Variants in STOX2 observed in about 807,000 individuals in gnomAD.
STOX2 encodes storkhead box 2.
Under a neutral mutation model 60.9 loss-of-function variants are expected in STOX2, and 28 were observed. The observed-to-expected ratio is 0.46, with a 90% CI of 0.34 to 0.63. The LOEUF (loss-of-function observed/expected upper bound fraction) is 0.63. Among genes scored for constraint, STOX2 ranks in the 30% least tolerant of loss-of-function variants. The pLI, the probability that STOX2 is intolerant of heterozygous loss-of-function variation, is 0.01. For synonymous variants in STOX2, 472 were observed against 463.9 expected (o/e 1.02, Z -0.22); for missense variants, 1,024 against 1,187.7 (o/e 0.86, Z 2.03).
At chr4:183,961,950 T>C (rs940625349) in intron 1 of STOX2, among the ~76,000 whole-genome samples, 16 of 152,222 alleles carry the variant, frequency 1.1e-4, no homozygotes, top group Non-Finnish European at 2.9e-5. Context: ...GCCTTTGAAG[T>C]GGGCTGGAGT....
intron 1 of STOX2, among the ~76,000 whole-genome samples, chr4:183,970,079 G>GA (rs1743694175): frequency 1.3e-5 from 2 of 150,226 alleles, no homozygotes; most frequent in African/African-American, 2.5e-5. Context: ...GCCCATGCAT[G>GA]AAAAAAACAC....
chr4:183,903,826 A>G (rs1213055098), upstream of STOX2, among the ~76,000 whole-genome samples: 1 of 152,186 alleles, frequency 6.6e-6, no homozygotes, highest in Non-Finnish European at 1.5e-5. Context: ...CGTGGAAGAC[A>G]GTTGTTCCTT....
At chr4:183,925,924 C>A (rs1407070134) in intron 1 of STOX2, among the ~76,000 whole-genome samples, 2 of 151,644 alleles carry the variant, frequency 1.3e-5, no homozygotes, top group Non-Finnish European at 2.9e-5. Flanking sequence ...GTGCCCTGAA[C>A]TTTTATTTAT....
chr4:183,973,017 GA>G (rs1249475293), intron 1 of STOX2, among the ~76,000 whole-genome samples: 2 of 152,036 alleles, frequency 1.3e-5, no homozygotes, highest in East Asian at 3.9e-4. Flanking sequence ...CAGTGGACTT[GA>G]AGATAGAGCA....
At chr4:184,006,892 T>C (rs1391709604) in intron 2 of STOX2, among the ~76,000 whole-genome samples, 1 of 147,842 alleles carries the variant, frequency 6.8e-6, no homozygotes, top group African/African-American at 2.5e-5. Context: ...GGCGGGCGCC[T>C]GTAGTCCCAG....
In STOX2 at chr4:184,017,073, C is replaced by T; in HGVS notation, c.2586-16C>T. 6.3e-7 allele frequency: 1 copy of T among 1,578,482 alleles called. No individual in the cohort carries two copies. Among genetic ancestry groups the T allele is most frequent in the Non-Finnish European group, 8.6e-7 (1 of 1,164,000 alleles). ...TGTTCCAAACAAAACAAAACAAACC[C>T]TTTTTGCTCTTTTAGTACTCGGGAG... On this transcript the variant is annotated splice_polypyrimidine_tract_variant and intron_variant, in intron 3 of 3. Transcript: ENST00000308497.
At chr4:183,980,462 C>T (rs1732619585) in intron 1 of STOX2, among the ~76,000 whole-genome samples, 1 of 152,142 alleles carries the variant, frequency 6.6e-6, no homozygotes, top group Non-Finnish European at 1.5e-5. Flanking sequence ...AGTCTGTCCC[C>T]GGATACGGAG....
upstream of STOX2, among the ~76,000 whole-genome samples, chr4:183,903,908 A>T (rs181316605): frequency 6.6e-6 from 1 of 152,340 alleles, no homozygotes; most frequent in East Asian, 1.9e-4. Context: ...TTTACTGTGC[A>T]CTTTATTTCT....
intron 1 of STOX2, among the ~76,000 whole-genome samples, chr4:183,915,595 G>C (rs1356861888): frequency 1.3e-5 from 2 of 152,172 alleles, no homozygotes; most frequent in African/African-American, 4.8e-5. Flanking sequence ...CTGTAACCAA[G>C]TTAAGATGCA....
chr4:183,816,646 A>G (rs1739160517), intron 1 of STOX2, among the ~76,000 whole-genome samples: 2 of 151,690 alleles, frequency 1.3e-5, no homozygotes, highest in Admixed American at 6.5e-5. Context: ...TGAATATAAA[A>G]TTTAAAAAAA....
chr4:183,895,972 G>C (rs537942894), intron 1 of STOX2, among the ~76,000 whole-genome samples: 5 of 152,182 alleles, frequency 3.3e-5, no homozygotes, highest in Non-Finnish European at 7.3e-5. Flanking sequence ...ACTGACCTGG[G>C]TTTGAATCCT....
In STOX2 at chr4:183,865,821, GAC is replaced by G. The variant is rs1181633471; in HGVS notation, c.364+67768_364+67769del. ...CATGGAGAAGTCTTGTGGAGACAAA[GAC>G]AGAATTTGATTTGGGGGTCATTTTT... On this transcript the variant is annotated intron_variant, in intron 1 of 2. Transcript: ENST00000513034. This position sits in a 1 kb window ranked among gnomAD's most constrained non-coding sequence, Gnocchi z 4.1. Among the ~76,000 whole-genome samples the G allele has an allele frequency of 6.6e-6, 1 of 152,168 alleles. No homozygotes were observed. Among genetic ancestry groups the G allele is most frequent in the Non-Finnish European group, 1.5e-5 (1 of 68,018 alleles).
At chr4:183,952,313 AAAG>A (rs764212104) in intron 1 of STOX2, among the ~76,000 whole-genome samples, 1 of 152,254 alleles carries the variant, frequency 6.6e-6, no homozygotes, top group Non-Finnish European at 1.5e-5. Flanking sequence ...TCTAAAGAAA[AAAG>A]AAAAGAATCC....
At chr4:183,947,274 T>C (rs1742922285) in intron 1 of STOX2, among the ~76,000 whole-genome samples, 1 of 152,244 alleles carries the variant, frequency 6.6e-6, no homozygotes, top group Admixed American at 6.5e-5. Flanking sequence ...ATTTTTTGCT[T>C]AATCGTTAGT....
At chr4:183,835,556 A>AT (rs1191284603) in intron 1 of STOX2, among the ~76,000 whole-genome samples, 2 of 152,162 alleles carry the variant, frequency 1.3e-5, no homozygotes, top group African/African-American at 4.8e-5. Flanking sequence ...TTAATTAATT[A>AT]ATGTCCAGTA....
intron 1 of STOX2, among the ~76,000 whole-genome samples, chr4:183,922,239 G>A (rs1349954026): frequency 6.6e-6 from 1 of 151,762 alleles, no homozygotes; most frequent in African/African-American, 2.4e-5. Flanking sequence ...TTCCTCAGGT[G>A]CAAATATTAT....
intron 1 of STOX2, among the ~76,000 whole-genome samples, chr4:183,862,678 G>T (rs779418339): frequency 2.0e-5 from 3 of 152,226 alleles, no homozygotes; most frequent in Non-Finnish European, 4.4e-5. Context: ...GAGTCGGCAG[G>T]GTTTACACCC....
chr4:183,848,983 C>A (rs1740048086), intron 1 of STOX2, among the ~76,000 whole-genome samples: 3 of 152,158 alleles, frequency 2.0e-5, no homozygotes, highest in South Asian at 2.1e-4. Context: ...AGCTGGCAAG[C>A]AGTTTCCAGC....
chr4:184,000,884 T>C (rs1733565404), intron 1 of STOX2, among the ~76,000 whole-genome samples: 1 of 152,238 alleles, frequency 6.6e-6, no homozygotes, highest in South Asian at 2.1e-4. Context: ...GCGCGCACTC[T>C]GTCTCTGCAG....
Sources: allele counts gnomAD v4.1 joint callset (sites outside exome capture counted in the v4.1 genomes callset), GRCh38; gene constraint gnomAD v4.1.1; non-coding constraint Gnocchi (gnomAD v3.1); transcripts MANE v1.5; gene names NCBI Gene and HGNC (gene_info 2026-07-23, HGNC 2026-07-21).